SLC35D2: variants seen among roughly 807,000 people sequenced by gnomAD.
SLC35D2 encodes the protein solute carrier family 35 member D2, also known as nucleotide sugar transporter SLC35D2.
In SLC35D2, 43 loss-of-function variants were observed where a neutral mutation model predicts 41.8. That is an observed-to-expected ratio of 1.03 (90% CI 0.81 to 1.33). SLC35D2 has a LOEUF of 1.33. Among genes scored for constraint, SLC35D2 ranks in the 40% most tolerant of loss-of-function variants. The pLI is 0.00. For synonymous variants in SLC35D2, 150 were observed against 163.9 expected (o/e 0.92, Z 0.65); for missense variants, 380 against 408.4 (o/e 0.93, Z 0.60).
chr9:96,323,642 C>T (rs1324147401), intron 10 of SLC35D2, among the ~76,000 whole-genome samples: 7 of 152,032 alleles, frequency 4.6e-5, no homozygotes, highest in South Asian at 2.1e-4. Flanking sequence ...AGAAGTAAGA[C>T]GGGGCCGGGC....
chr9:96,371,473 T>TAAA (rs1830673892), intron 1 of SLC35D2, among the ~76,000 whole-genome samples: 1 of 3,682 alleles, frequency 2.7e-4, no homozygotes, highest in African/African-American at 7.3e-4. Context: ...AGACTCTGTC[T>TAAA]CAAAAAAAAA....
intron 1 of SLC35D2, among the ~76,000 whole-genome samples, chr9:96,380,964 C>A (rs749976951): frequency 6.6e-6 from 1 of 152,146 alleles, no homozygotes; most frequent in Non-Finnish European, 1.5e-5. Flanking sequence ...ACAGGATCAC[C>A]AAAAAATATC....
At chr9:96,324,353 T>A (rs1828407105) in intron 9 of SLC35D2, among the ~76,000 whole-genome samples, 184 bp from the exon 10 acceptor site, 3 of 152,306 alleles carry the variant, frequency 2.0e-5, no homozygotes, top group African/African-American at 7.2e-5. Flanking sequence ...AGGAAAATGG[T>A]CCAGCTGTGA....
rs539084624 is a variant in SLC35D2 at position 96,324,211 on chromosome 9, G to C, written c.753-42C>G. 8 of 1,542,016 alleles carry C rather than the reference G, an allele frequency of 5.2e-6. No homozygotes were observed. In the South Asian group the frequency reaches 7.9e-5, roughly 15 times the overall value. On this transcript the variant is annotated intron_variant, in intron 9 of 11. Coordinates refer to ENST00000253270, the MANE Select transcript of SLC35D2 (RefSeq NM_007001.3). ...GACACTGGAGTGTGTGCCTCACTAC[G>C]CTGGGTAATGACAAATAGGTTAAGG...
chr9:96,325,614 C>T (rs10990505), intron 9 of SLC35D2, among the ~76,000 whole-genome samples: 48,279 of 151,948 alleles, frequency 0.32, 7,854 homozygotes, highest in Admixed American at 0.36. Flanking sequence ...ACCCAGGAGG[C>T]GGAGCTGAGA....
chr9:96,370,301 A>T (rs1424872481), intron 1 of SLC35D2, among the ~76,000 whole-genome samples: 2 of 152,162 alleles, frequency 1.3e-5, no homozygotes, highest in East Asian at 3.8e-4. Context: ...CTGAGAATAC[A>T]ACCTGTAACA....
intron 1 of SLC35D2, among the ~76,000 whole-genome samples, chr9:96,371,548 T>C (rs185781332): frequency 1.9e-4 from 28 of 148,418 alleles, no homozygotes; most frequent in African/African-American, 6.9e-4. Context: ...ACTTTAGCTT[T>C]TTAATATTTT....
chr9:96,340,940 T>C (rs550336230), intron 8 of SLC35D2, among the ~76,000 whole-genome samples: 1 of 152,284 alleles, frequency 6.6e-6, no homozygotes, highest in East Asian at 1.9e-4. Flanking sequence ...GATATTCCAG[T>C]ACCACAAGCC....
chr9:96,374,843 CAAA>C (rs1179481303), intron 1 of SLC35D2, among the ~76,000 whole-genome samples: 1 of 107,456 alleles, frequency 9.3e-6, no homozygotes. Flanking sequence ...CACTCCGCCT[CAAA>C]AAAAAAAAAA....
chr9:96,372,408 C>T (rs1026203858), intron 1 of SLC35D2, among the ~76,000 whole-genome samples: 4 of 151,818 alleles, frequency 2.6e-5, no homozygotes, highest in Non-Finnish European at 5.9e-5. Context: ...TTGCATGAGC[C>T]TTGATTGGAT....
At chr9:96,347,891 G>C (rs547674064) in intron 6 of SLC35D2, among the ~76,000 whole-genome samples, 1 of 152,172 alleles carries the variant, frequency 6.6e-6, no homozygotes, top group Non-Finnish European at 1.5e-5. Flanking sequence ...CGCCAGCGCC[G>C]TGACAGTTTA....
At chr9:96,339,173 C>T (rs529470406) in intron 8 of SLC35D2, among the ~76,000 whole-genome samples, 8 of 152,066 alleles carry the variant, frequency 5.3e-5, no homozygotes, top group Admixed American at 2.0e-4. Context: ...TGCGGTGGCA[C>T]GATCTCAGCT....
chr9:96,372,806 G>A (rs1175758463), intron 1 of SLC35D2, among the ~76,000 whole-genome samples: 7 of 150,638 alleles, frequency 4.6e-5, no homozygotes, highest in Non-Finnish European at 1.0e-4. Flanking sequence ...GGCTGGTCTC[G>A]AACTCCTGAC....
At chr9:96,347,605 C>T (rs1450437069) in intron 6 of SLC35D2, among the ~76,000 whole-genome samples, 3 of 152,100 alleles carry the variant, frequency 2.0e-5, no homozygotes, top group Admixed American at 1.3e-4. Flanking sequence ...TCTCGAACTC[C>T]TGGGCTCAAG....
chr9:96,335,795 T>C (rs1314326521), intron 9 of SLC35D2, among the ~76,000 whole-genome samples: 1 of 152,012 alleles, frequency 6.6e-6, no homozygotes, highest in Non-Finnish European at 1.5e-5. Flanking sequence ...GGCTCACGCC[T>C]GTAATCCCAG....
At chr9:96,369,377 C>T (rs567025706) in intron 1 of SLC35D2, among the ~76,000 whole-genome samples, 2 of 152,246 alleles carry the variant, frequency 1.3e-5, no homozygotes, top group East Asian at 3.9e-4. Context: ...TCAGTGCGAT[C>T]TCAGCAGAAA....
At position 96,324,149 on chromosome 9, in the gene SLC35D2, G is replaced by C. The variant is rs905932359; in HGVS notation, c.773C>G (p.Thr258Arg). ...CFLGFLLMYS[T>R]VLCSYYNSAL... is the part of the protein sequence containing the mutation. ...TGAATTGTAATAGCTGCACAGAACC[G>C]TGGAGTACATCAGCAGAAACCTGTG... Residue 258 changes from threonine (T) to arginine (R), a missense_variant, in exon 10 of 12, where the codon ACG becomes AGG. Thr to Arg is a moderately conservative substitution (Grantham distance 71). Coordinates refer to ENST00000253270, the MANE Select transcript of SLC35D2 (RefSeq NM_007001.3). 7 of 1,613,722 alleles carry C rather than the reference G, an allele frequency of 4.3e-6. No homozygotes were observed. The highest frequency in any genetic ancestry group is 5.9e-6 in the Non-Finnish European group (7 of 1,179,762).
chr9:96,349,542 T>C (rs938145110), intron 6 of SLC35D2, among the ~76,000 whole-genome samples: 2 of 152,088 alleles, frequency 1.3e-5, no homozygotes, highest in Non-Finnish European at 2.9e-5. Flanking sequence ...CTTTTTTTTT[T>C]TGAGATGGAG....
At chr9:96,353,101 A>C (rs985880211) in intron 4 of SLC35D2, among the ~76,000 whole-genome samples, 2 of 152,118 alleles carry the variant, frequency 1.3e-5, no homozygotes, top group Non-Finnish European at 2.9e-5. Context: ...AGAAAAAAAA[A>C]CCACATGCAT....
Sources: gnomAD v4.1 joint callset for allele counts (sites outside exome capture counted in the v4.1 genomes callset) on GRCh38, gnomAD v4.1.1 for gene constraint, MANE v1.5 for transcripts, NCBI Gene and HGNC (gene_info 2026-07-23, HGNC 2026-07-21) for gene names.